PEPD: variants seen among roughly 807,000 people sequenced by gnomAD.
PEPD encodes the protein peptidase D.
PEPD carries 53 observed loss-of-function variants against 60.7 expected under a neutral mutation model. The ratio of observed to expected loss-of-function variants is 0.87; its 90% confidence interval spans 0.70 to 1.10. The LOEUF is 1.10. Ranked by LOEUF, PEPD falls within the 50% of genes least tolerant of loss-of-function variation. PEPD has a pLI of 0.00. For synonymous variants in PEPD, 267 were observed against 284.1 expected (o/e 0.94, Z 0.60); for missense variants, 711 against 711.9 (o/e 1.00, Z 0.01).
rs2145320591 is a variant in PEPD, at chr19:33,387,874, GC to G, written c.1344+15del. The G allele has an allele frequency of 1.9e-6, 3 of 1,547,866 alleles. No individual in the cohort carries two copies. Among genetic ancestry groups the G allele is most frequent in the Non-Finnish European group, 2.6e-6 (3 of 1,144,232 alleles). On this transcript the variant is annotated intron_variant, in intron 14 of 14. Coordinates refer to ENST00000244137, the MANE Select transcript of PEPD (RefSeq NM_000285.4). ...CAGATGTTCTGGGAGCAAGAATGGG[GC>G]CCGTGGGCACTCACCCCGCCAAAAC... is the stretch of plus-strand genomic sequence containing the variant.
At chr19:33,430,521 C>G (rs1568467541) in intron 9 of PEPD, among the ~76,000 whole-genome samples, 1 of 152,146 alleles carries the variant, frequency 6.6e-6, no homozygotes, top group African/African-American at 2.4e-5. Flanking sequence ...GTCTGTGCCC[C>G]AGAGAGACCG....
At chr19:33,506,703 GCA>G (rs576258613) in intron 3 of PEPD, among the ~76,000 whole-genome samples, 106 of 123,940 alleles carry the variant, frequency 8.6e-4, no homozygotes, top group African/African-American at 3.1e-3. Flanking sequence ...ACACAACACA[GCA>G]CACACACACT....
intron 9 of PEPD, among the ~76,000 whole-genome samples, chr19:33,414,257 T>C (rs1968841625): frequency 6.6e-6 from 1 of 152,202 alleles, no homozygotes; most frequent in African/African-American, 2.4e-5. Flanking sequence ...AGCTGCCTGC[T>C]GGCTGGGCCC....
intron 9 of PEPD, among the ~76,000 whole-genome samples, chr19:33,438,318 C>A (rs1969419332): frequency 2.0e-5 from 3 of 152,238 alleles, no homozygotes; most frequent in Non-Finnish European, 4.4e-5. Context: ...TACAATCCTG[C>A]CCTGCAGGGG....
Position 33,396,440 on chromosome 19 carries a change from G to A in PEPD, c.968-4961C>T, listed in dbSNP as rs189053842. Among the ~76,000 whole-genome samples the A allele has an allele frequency of 1.1e-4, 17 of 152,288 alleles. 1 individual carries two copies. Among genetic ancestry groups the A allele is most frequent in the Middle Eastern group, 3.4e-3 (1 of 294 alleles). On this transcript the variant is annotated intron_variant, in intron 12 of 14. Transcript: ENST00000244137. The stretch of plus-strand genomic sequence containing the variant: ...CAGTGCCCCTCTCTCGCCCCGTCAG[G>A]ACTGTTTTGGAGGTGGGGACACTTC...
chr19:33,479,170 C>G (rs1414162607), intron 6 of PEPD, among the ~76,000 whole-genome samples: 2 of 151,524 alleles, frequency 1.3e-5, no homozygotes, highest in East Asian at 3.9e-4. Flanking sequence ...CAATTGTAAT[C>G]CCCATAATCA....
intron 9 of PEPD, among the ~76,000 whole-genome samples, chr19:33,416,340 G>C (rs529504566): frequency 1.3e-5 from 2 of 152,160 alleles, no homozygotes; most frequent in Non-Finnish European, 2.9e-5. Context: ...AGTCATCCCT[G>C]GAGCAGGCTA....
intron 4 of PEPD, among the ~76,000 whole-genome samples, chr19:33,495,886 T>C (rs961614099): frequency 2.6e-5 from 4 of 151,652 alleles, no homozygotes; most frequent in African/African-American, 9.7e-5. Flanking sequence ...GAGGCTGAGG[T>C]AGGAGAACCG....
At chr19:33,393,428 G>C (rs1600077489) in intron 12 of PEPD, among the ~76,000 whole-genome samples, 2 of 152,174 alleles carry the variant, frequency 1.3e-5, no homozygotes, top group African/African-American at 4.8e-5. Context: ...CTTTTCTGAG[G>C]GGCACAACAT....
intron 11 of PEPD, among the ~76,000 whole-genome samples, chr19:33,406,716 G>A (rs1017372196): frequency 1.3e-5 from 2 of 152,212 alleles, no homozygotes; most frequent in Non-Finnish European, 2.9e-5. Context: ...ACAGACTCAG[G>A]CTGAGTAGAC....
At chr19:33,503,075 C>T (rs2145338368) in intron 3 of PEPD, among the ~76,000 whole-genome samples, 1 of 152,082 alleles carries the variant, frequency 6.6e-6, no homozygotes, top group South Asian at 2.1e-4. Context: ...GAACTGGTGT[C>T]CTATGTGCCA....
rs1464189888 is a variant in PEPD, at chr19:33,404,130, A to C, written c.819-2261T>G. ...GGCAGTGCTCAACCTTCACGGCCTCAGTTTTTCCATCTGTAAAATGGGACC... is the reference window on the plus strand; with the variant it reads ...GGCAGTGCTCAACCTTCACGGCCTCCGTTTTTCCATCTGTAAAATGGGACC... On this transcript the variant is annotated intron_variant, in intron 11 of 14. Transcript: ENST00000244137. Among the ~76,000 whole-genome samples, 15 of 152,336 alleles carry C rather than the reference A, an allele frequency of 9.8e-5. No homozygotes were observed. The East Asian group carries it at 2.5e-3, about 25-fold the overall frequency.
At chr19:33,406,857 G>A (rs1476924031) in intron 11 of PEPD, among the ~76,000 whole-genome samples, 1 of 152,128 alleles carries the variant, frequency 6.6e-6, no homozygotes, top group Non-Finnish European at 1.5e-5. Flanking sequence ...GCCAGGGAAG[G>A]AGGGGAAGAG....
chr19:33,413,514 C>G, intron 10 of PEPD, 61 bp downstream of exon 10: 2 of 916,428 alleles, frequency 2.2e-6, no homozygotes, highest in Non-Finnish European at 3.5e-6. Context: ...GCCCCCCACT[C>G]ACTAACTGCC....
intron 7 of PEPD, among the ~76,000 whole-genome samples, chr19:33,465,448 A>G (rs1404137573): frequency 3.9e-5 from 6 of 152,048 alleles, no homozygotes; most frequent in Admixed American, 3.9e-4. Flanking sequence ...CCCTGAGGCC[A>G]CACCCCTCTA....
chr19:33,457,520 C>G (rs1437582583), intron 9 of PEPD, among the ~76,000 whole-genome samples: 2 of 152,100 alleles, frequency 1.3e-5, no homozygotes, highest in African/African-American at 4.8e-5. Flanking sequence ...AGTTTCTAGT[C>G]TTTTTTATTT....
At chr19:33,490,185 T>C in intron 5 of PEPD, 128 bp from the exon 6 acceptor site, 2 of 705,308 alleles carry the variant, frequency 2.8e-6, no homozygotes. Flanking sequence ...CCCCAACAGA[T>C]GAGCCACCCA....
intron 7 of PEPD, among the ~76,000 whole-genome samples, chr19:33,464,578 G>A (rs118166626): frequency 0.029 from 4,357 of 152,244 alleles, 123 homozygotes; most frequent in Non-Finnish European, 0.033. Context: ...TTCCAGTTTC[G>A]TGTGTGCTGG....
intron 12 of PEPD, among the ~76,000 whole-genome samples, chr19:33,400,450 T>C (rs895532659): frequency 1.9e-4 from 29 of 152,362 alleles, no homozygotes; most frequent in African/African-American, 6.7e-4. Flanking sequence ...ACTGTTCTGT[T>C]GCTTATAACC....
Sources: gnomAD v4.1 joint callset for allele counts (sites outside exome capture counted in the v4.1 genomes callset) on GRCh38, gnomAD v4.1.1 for gene constraint, MANE v1.5 for transcripts, NCBI Gene and HGNC (gene_info 2026-07-23, HGNC 2026-07-21) for gene names.